ZNF484: variants seen among roughly 807,000 people sequenced by gnomAD.
ZNF484 encodes the protein zinc finger protein 484, also known as KRAB box containing C2H2 type zinc finger bA526D8.4.
A neutral mutation model predicts 12.9 loss-of-function variants in ZNF484; 11 were observed. The ratio of observed to expected loss-of-function variants is 0.85; its 90% CI spans 0.54 to 1.41. The LOEUF (loss-of-function observed/expected upper bound fraction) is 1.41, where lower values mean the gene tolerates loss of function less well. Among genes scored for constraint, ZNF484 ranks in the 40% most tolerant of loss-of-function variants. The pLI is 0.00. For missense variants in ZNF484, 807 were observed against 1,007.7 expected, an observed-to-expected ratio of 0.80 and a Z score of 2.70; for synonymous variants, 289 against 334.1, an observed-to-expected ratio of 0.86 and a Z score of 1.47.
Position 92,866,427 on chromosome 9 carries a change from A to G in ZNF484, c.15+8588T>C, listed in dbSNP as rs148970757. Among the ~76,000 whole-genome samples, 576 of 152,350 alleles carry G rather than the reference A, an allele frequency of 3.8e-3. 1 individual carries two copies. Among genetic ancestry groups the G allele is most frequent in the African/African-American group, 0.013 (540 of 41,566 alleles). ...ACTGATCATTAGAGAAATACAAATC[A>G]AAACCACAATGAGATACCATCTCAT... is the stretch of plus-strand genomic sequence containing the variant. On this transcript the variant is annotated intron_variant, in intron 2 of 4. Coordinates refer to ENST00000375495, the MANE Select transcript of ZNF484 (RefSeq NM_031486.4).
At chr9:92,850,845 C>T (rs1045643448) in intron 4 of ZNF484, among the ~76,000 whole-genome samples, 1 of 152,186 alleles carries the variant, frequency 6.6e-6, no homozygotes, top group Non-Finnish European at 1.5e-5. Context: ...GATCTGCCTG[C>T]CTCAGCCTCC....
chr9:92,860,658 G>A (rs574309673), intron 2 of ZNF484, among the ~76,000 whole-genome samples: 56 of 149,820 alleles, frequency 3.7e-4, no homozygotes, highest in Non-Finnish European at 7.4e-4. Flanking sequence ...CAGTATACTT[G>A]AGGTGAAAAC....
At chr9:92,864,445 C>CA (rs375727860) in intron 2 of ZNF484, among the ~76,000 whole-genome samples, 53 of 149,144 alleles carry the variant, frequency 3.6e-4, no homozygotes, top group African/African-American at 8.5e-4. Context: ...AGAACAACAA[C>CA]AAAAAAAAAA....
intron 4 of ZNF484, among the ~76,000 whole-genome samples, chr9:92,855,223 C>G (rs1487172045): frequency 6.6e-6 from 1 of 151,954 alleles, no homozygotes; most frequent in African/African-American, 2.4e-5. Flanking sequence ...TTAGAAAGAT[C>G]AAGTCAGTGT....
At chr9:92,852,734 G>A (rs1407614798) in intron 4 of ZNF484, among the ~76,000 whole-genome samples, 1 of 151,422 alleles carries the variant, frequency 6.6e-6, no homozygotes, top group Non-Finnish European at 1.5e-5. Flanking sequence ...ATGGGGTTTC[G>A]CCATGTTGGC....
chr9:92,856,449 G>T, intron 2 of ZNF484, 131 bp from the exon 3 acceptor site: 1 of 619,906 alleles, frequency 1.6e-6, no homozygotes, highest in Non-Finnish European at 2.5e-6. Context: ...TTTTTAATGT[G>T]ATACAATATA....
In ZNF484 at chr9:92,877,876, A is replaced by G; in HGVS notation, c.-31+14T>C. On this transcript the variant is annotated intron_variant, in intron 1 of 4. Coordinates refer to ENST00000375495, the MANE Select transcript of ZNF484 (RefSeq NM_031486.4). ...TCTTGCTCAGTCCACAGATGCTGCC[A>G]TCCCTCTACTCACCTGCCCCTCACC... 1 of 1,535,760 alleles carries G rather than the reference A, an allele frequency of 6.5e-7. No homozygotes were observed. Among genetic ancestry groups the G allele is most frequent in the Non-Finnish European group, 8.7e-7 (1 of 1,146,858 alleles).
At position 92,867,516 on chromosome 9, in the gene ZNF484, A is replaced by AAC. The variant is rs1564114379; in HGVS notation, c.15+7498_15+7499insGT. ...AAGCAAAACAAAACAACAACAACAA[A>AAC]AAAACAAACCTAGATGACAGGTTGA... On this transcript the variant is annotated intron_variant, in intron 2 of 4. Transcript: ENST00000375495. 1.6e-4 allele frequency among the ~76,000 whole-genome samples: 24 copies of AAC among 152,128 alleles called. 2 individuals are homozygous for AAC. The East Asian group carries it at 4.1e-3, about 26-fold the overall frequency.
chr9:92,873,732 A>G (rs1308243324), intron 2 of ZNF484, among the ~76,000 whole-genome samples: 3 of 152,206 alleles, frequency 2.0e-5, no homozygotes, highest in Admixed American at 6.5e-5. Flanking sequence ...AACACAAACT[A>G]TACACAATCT....
At chr9:92,877,550 T>C (rs1341954556) in intron 1 of ZNF484, among the ~76,000 whole-genome samples, 1 of 150,292 alleles carries the variant, frequency 6.7e-6, no homozygotes, top group Admixed American at 6.6e-5. Flanking sequence ...TCGGTACGTA[T>C]AAAAGAGAGG....
chr9:92,868,852 C>T (rs2118176407), intron 2 of ZNF484, among the ~76,000 whole-genome samples: 1 of 152,296 alleles, frequency 6.6e-6, no homozygotes, highest in East Asian at 1.9e-4. Context: ...ACCTCCTACA[C>T]TGGGATCAAA....
intron 1 of ZNF484, 183 bp downstream of exon 1, chr9:92,877,707 T>C: frequency 4.3e-6 from 6 of 1,399,262 alleles, no homozygotes; most frequent in Non-Finnish European, 5.8e-6. Context: ...TCACTCCGCC[T>C]GCAGATCCAC....
In ZNF484 at chr9:92,848,750, T is replaced by G. The variant is rs1030760868; in HGVS notation, c.236-199A>C. On this transcript the variant is annotated intron_variant, in intron 4 of 4. Transcript: ENST00000375495. This position sits in a 1 kb window ranked among gnomAD's most constrained non-coding sequence, Gnocchi z 4.1. ...TAAAAAACACTCAAAATATTGTCTC[T>G]ACTAAAAATTAGCCAGGCGTGGTGG... Among the ~76,000 whole-genome samples the G allele has an allele frequency of 4.0e-5, 6 of 151,362 alleles. No homozygotes were observed. Among genetic ancestry groups the G allele is most frequent in the Non-Finnish European group, 8.8e-5 (6 of 67,880 alleles).
chr9:92,868,027 AT>A (rs1857209422), intron 2 of ZNF484, among the ~76,000 whole-genome samples: 1 of 152,096 alleles, frequency 6.6e-6, no homozygotes, highest in South Asian at 2.1e-4. Context: ...AATTTCCTTG[AT>A]TTTTCTAGCT....
intron 2 of ZNF484, among the ~76,000 whole-genome samples, chr9:92,864,500 C>G (rs1033474236): frequency 4.6e-5 from 7 of 152,076 alleles, no homozygotes; most frequent in African/African-American, 1.7e-4. Context: ...TGAATACTTT[C>G]AGACTTCTTT....
At chr9:92,853,732 T>A (rs1856252546) in intron 4 of ZNF484, among the ~76,000 whole-genome samples, 1 of 152,190 alleles carries the variant, frequency 6.6e-6, no homozygotes, top group African/African-American at 2.4e-5. Context: ...GCAGGCAGTA[T>A]AACCAGTTGG....
intron 4 of ZNF484, among the ~76,000 whole-genome samples, chr9:92,849,508 C>T (rs1488469970): frequency 2.7e-5 from 4 of 150,272 alleles, no homozygotes; most frequent in South Asian, 2.1e-4. Context: ...TATCACGGCC[C>T]GGTGTGGTGG....
Position 92,872,444 on chromosome 9 carries a change from C to T in ZNF484, c.15+2571G>A, listed in dbSNP as rs1587770490. ...CTTTCAGGTTGCGGTGAGCCGAGAT[C>T]GCGCCATTGCACTCCAGCCTGGGCA... On this transcript the variant is annotated intron_variant, in intron 2 of 4. Transcript: ENST00000375495. Among the ~76,000 whole-genome samples the T allele has an allele frequency of 2.5e-5, 2 of 80,536 alleles. 1 individual carries two copies. The highest frequency in any genetic ancestry group is 1.4e-4 in the African/African-American group (2 of 14,312). The allele number at this position is 80,536 out of a possible 152,430, so 52.8% of individuals were successfully genotyped here.
Position 92,873,243 on chromosome 9 carries a change from A to G in ZNF484, c.15+1772T>C, listed in dbSNP as rs145116081. On this transcript the variant is annotated intron_variant, in intron 2 of 4. Coordinates refer to ENST00000375495, the MANE Select transcript of ZNF484 (RefSeq NM_031486.4). ...TCTACAAGCCAAGAAGAGAACCCTC[A>G]TCAGAACCTGACCATACTTGCACCC... Among the ~76,000 whole-genome samples the G allele has an allele frequency of 2.6e-3, 392 of 152,326 alleles. 3 individuals carry two copies. Among genetic ancestry groups the G allele is most frequent in the African/African-American group, 9.0e-3 (374 of 41,576 alleles).
Sources: allele counts gnomAD v4.1 joint callset (sites outside exome capture counted in the v4.1 genomes callset), GRCh38; gene constraint gnomAD v4.1.1; non-coding constraint Gnocchi (gnomAD v3.1); transcripts MANE v1.5; gene names NCBI Gene and HGNC (gene_info 2026-07-23, HGNC 2026-07-21).